HMCN2: variants seen among roughly 807,000 people sequenced by gnomAD.
HMCN2 encodes hemicentin-2.
In HMCN2, 325 loss-of-function variants were observed where a neutral mutation model predicts 377.5. The ratio of observed to expected loss-of-function variants is 0.86; its 90% CI spans 0.79 to 0.94. The LOEUF (loss-of-function observed/expected upper bound fraction) is 0.94, where lower values mean the gene tolerates loss of function less well. HMCN2 is among the 40% of genes least tolerant of loss of function. The pLI is 0.00. For missense variants in HMCN2, 4,543 were observed against 4,725.3 expected, an observed-to-expected ratio of 0.96 and a Z score of 1.13; for synonymous variants, 2,007 against 2,046.8, an observed-to-expected ratio of 0.98 and a Z score of 0.53.
Position 130,396,017 on chromosome 9 carries a change from C to G in HMCN2, c.11005C>G (p.Arg3669Gly). 7.8e-7 allele frequency: 1 copy of G among 1,287,368 alleles called. No homozygotes were observed. Among genetic ancestry groups the G allele is most frequent in the Non-Finnish European group, 1.0e-6 (1 of 988,688 alleles). The allele number at this position is 1,287,368 out of a possible 1,614,324, so 79.7% of individuals were successfully genotyped here. The change falls in exon 72 of 98, where the codon CGC becomes GGC. Residue 3669 changes from arginine to glycine, a missense_variant. Physicochemically the swap from Arg to Gly is moderately radical, Grantham distance 125. This residue lies in a region of HMCN2 where 1,073 missense variants were observed against 1,319.5 expected (regional missense o/e 0.81). Transcript: ENST00000683500. ...CAGCGGCGACTACAGCTGCACAGCC[C>G]GCAACGCCGCAGGCAGCACTAGTGT... is the stretch of plus-strand genomic sequence containing the variant. ...ADSGDYSCTA[R>G]NAAGSTSVAF...
intron 22 of HMCN2, among the ~76,000 whole-genome samples, chr9:130,330,190 A>G (rs1430375240): frequency 2.0e-5 from 3 of 151,846 alleles, no homozygotes; most frequent in African/African-American, 7.3e-5. Context: ...GACAGGGGCC[A>G]GCAGCCCTCC....
intron 40 of HMCN2, 77 bp from the exon 41 acceptor site, chr9:130,364,637 C>T (rs1299300975): frequency 7.4e-6 from 6 of 808,028 alleles, no homozygotes; most frequent in African/African-American, 1.9e-5. Context: ...GTAGCTAGGC[C>T]TGACCCAGGG....
At chr9:130,402,428 C>T (rs1193256577) in intron 77 of HMCN2, among the ~76,000 whole-genome samples, 1 of 152,192 alleles carries the variant, frequency 6.6e-6, no homozygotes. Flanking sequence ...TTTAGCAGAG[C>T]AAGGTGAGAA....
intron 54 of HMCN2, among the ~76,000 whole-genome samples, chr9:130,381,270 G>A (rs375033946): frequency 3.3e-5 from 5 of 152,102 alleles, no homozygotes; most frequent in African/African-American, 7.2e-5. Flanking sequence ...AGCCCGGGCC[G>A]GCCAGCCCCA....
At chr9:130,388,612 C>A in intron 62 of HMCN2, 72 bp downstream of exon 62, 1 of 968,410 alleles carries the variant, frequency 1.0e-6, no homozygotes, top group Non-Finnish European at 1.2e-6. Context: ...CAGAAGCGGA[C>A]GAAGGAAGTT....
At chr9:130,335,561 T>C (rs1002985812) in intron 22 of HMCN2, among the ~76,000 whole-genome samples, 3 of 152,122 alleles carry the variant, frequency 2.0e-5, no homozygotes, top group Non-Finnish European at 2.9e-5. Context: ...GTCACACTAA[T>C]AGCAAGGCAG....
intron 1 of HMCN2, among the ~76,000 whole-genome samples, chr9:130,275,670 G>A (rs1290672648): frequency 6.6e-6 from 1 of 152,128 alleles, no homozygotes; most frequent in African/African-American, 2.4e-5. Flanking sequence ...GACTGGTCAC[G>A]AACTCCTGAC....
Position 130,416,106 on chromosome 9 carries a change from T to TA in HMCN2, c.12962-2666_12962-2665insA, listed in dbSNP as rs1201695740. On this transcript the variant is annotated intron_variant, in intron 85 of 97. Coordinates refer to ENST00000683500, the MANE Select transcript of HMCN2 (RefSeq NM_001291815.2). ...CCAAAGTTCTAGAGGCTTTATTTTTTTTTTTTTTTTTTTTTGGAGACAGAG... is the reference window on the plus strand; with the variant it reads ...CCAAAGTTCTAGAGGCTTTATTTTTTATTTTTTTTTTTTTTTGGAGACAGAG... Among the ~76,000 whole-genome samples, 222 of 145,824 alleles carry TA rather than the reference T, an allele frequency of 1.5e-3. 2 individuals carry two copies. Among genetic ancestry groups the TA allele is most frequent in the Non-Finnish European group, 1.9e-3 (127 of 66,702 alleles).
intron 19 of HMCN2, among the ~76,000 whole-genome samples, chr9:130,322,427 C>G (rs986030393): frequency 2.6e-5 from 4 of 151,780 alleles, no homozygotes; most frequent in African/African-American, 9.7e-5. Flanking sequence ...ATTTAAAAAC[C>G]AAATAGGATC....
intron 80 of HMCN2, 128 bp downstream of exon 80, chr9:130,404,003 A>G (rs1308836589): frequency 1.1e-6 from 1 of 893,556 alleles, no homozygotes; most frequent in Non-Finnish European, 1.5e-6. Context: ...AGGGGAAAAC[A>G]TCTCTCATTG....
chr9:130,278,955 A>T, intron 1 of HMCN2, among the ~76,000 whole-genome samples: 1 of 145,984 alleles, frequency 6.9e-6, no homozygotes, highest in Middle Eastern at 4.0e-3. Flanking sequence ...CTGGAGTGCA[A>T]TGGCGTGATC....
chr9:130,383,533 C>T lies in HMCN2; in HGVS notation c.8763C>T (p.Ala2921=). 1.0e-6 allele frequency: 1 copy of T among 986,112 alleles called. No homozygotes were observed. 61.1% of individuals were successfully genotyped at this position (986,112 alleles called of 1,614,324 possible). The part of the protein sequence containing the change: ...QVSTAEVADA[A]SYMCVAENQA... Reference sequence around the variant, plus strand: ...CCACGGCAGAGGTGGCCGACGCCGCCAGCTACATGTGTGTGGCCGAGAACC... The same window carrying T: ...CCACGGCAGAGGTGGCCGACGCCGCTAGCTACATGTGTGTGGCCGAGAACC... Residue 2921 remains alanine (A), a synonymous_variant, in exon 57 of 98, where the codon GCC becomes GCT. Coordinates refer to ENST00000683500, the MANE Select transcript of HMCN2 (RefSeq NM_001291815.2).
chr9:130,429,240 T>TA (rs1844585066), intron 93 of HMCN2: 2 of 375,478 alleles, frequency 5.3e-6, no homozygotes, highest in Non-Finnish European at 9.7e-6. Flanking sequence ...TTACCCTCTT[T>TA]ATGGATGAGG....
At chr9:130,278,731 C>T (rs1400752041) in intron 1 of HMCN2, among the ~76,000 whole-genome samples, 71 of 151,562 alleles carry the variant, frequency 4.7e-4, no homozygotes, top group Admixed American at 2.0e-4. Context: ...TACAGGCATG[C>T]ACCACCACAC....
chr9:130,334,759 TTCTC>T (rs1179524224), intron 22 of HMCN2, among the ~76,000 whole-genome samples: 112 of 136,032 alleles, frequency 8.2e-4, no homozygotes, highest in African/African-American at 2.4e-3. Context: ...TCTCTCTCTC[TTCTC>T]TCTCTCTCTC....
intron 96 of HMCN2, among the ~76,000 whole-genome samples, chr9:130,431,974 C>T (rs902274155): frequency 6.6e-6 from 1 of 152,236 alleles, no homozygotes; most frequent in Non-Finnish European, 1.5e-5. Context: ...GCTGCTTCCT[C>T]CACTCTAAAG....
At position 130,375,726 on chromosome 9, in the gene HMCN2, G is replaced by C; in HGVS notation, c.7794G>C (p.Gln2598His). Residue 2598 changes from glutamine (Q) to histidine (H), a missense_variant, in exon 50 of 98, where the codon CAG becomes CAC. Physicochemically the swap from Gln to His is conservative, Grantham distance 24. Transcript: ENST00000683500. ...GAPFEASRNI[Q>H]LLPGTHGLQI... is the part of the protein sequence containing the mutation. ...CGTTTGAGGCCTCCAGGAACATCCA[G>C]CTGCTCCCAGGTGACGCCCTCTGGG... The C allele has an allele frequency of 2.0e-6, 2 of 985,894 alleles. No individual in the cohort carries two copies. The highest frequency in any genetic ancestry group is 2.4e-6 in the Non-Finnish European group (2 of 829,994). 61.1% of individuals were successfully genotyped at this position (985,894 alleles called of 1,614,324 possible).
At chr9:130,421,447 C>T (rs531633997) in intron 86 of HMCN2, among the ~76,000 whole-genome samples, 1 of 152,246 alleles carries the variant, frequency 6.6e-6, no homozygotes, top group East Asian at 1.9e-4. Flanking sequence ...CCTCCTTCCC[C>T]ATCAGCCTGG....
intron 52 of HMCN2, 75 bp downstream of exon 52, chr9:130,376,733 A>G: frequency 1.1e-6 from 1 of 928,554 alleles, no homozygotes; most frequent in African/African-American, 1.8e-5. Flanking sequence ...AACCTTCCAG[A>G]AAAGGCTTCC....
Sources: allele counts gnomAD v4.1 joint callset (sites outside exome capture counted in the v4.1 genomes callset), GRCh38; gene constraint gnomAD v4.1.1; regional missense constraint gnomAD v4.1.1; transcripts MANE v1.5; gene names NCBI Gene and HGNC (gene_info 2026-07-23, HGNC 2026-07-21).